The following TNPO1 variants were observed in gnomAD, a reference collection of about 807,000 sequenced individuals.
TNPO1 encodes the protein transportin-1.
In TNPO1, 8 loss-of-function variants were observed where a neutral mutation model predicts 119.5. The ratio of observed to expected loss-of-function variants is 0.07; its 90% CI spans 0.04 to 0.12. TNPO1 has a LOEUF of 0.12. TNPO1 is among the 10% of genes least tolerant of loss of function. The pLI is 1.00. For missense variants in TNPO1, 576 were observed against 1,089.8 expected, an observed-to-expected ratio of 0.53 and a Z score of 6.64; for synonymous variants, 362 against 363.0, an observed-to-expected ratio of 1.00 and a Z score of 0.03.
At chr5:72,891,340 C>T (rs1215154628) in intron 14 of TNPO1, among the ~76,000 whole-genome samples, 1 of 152,010 alleles carries the variant, frequency 6.6e-6, no homozygotes, top group African/African-American at 2.4e-5. Context: ...TGGGGGGTGC[C>T]TGTAGTCCCA....
Position 72,900,956 on chromosome 5 carries a change from A to G in TNPO1, c.2415-18A>G. ...TGCTTGTTACTTAAATGCTAAACTC[A>G]ATTCTGTAATTCAATAGGTGCACCT... is the stretch of plus-strand genomic sequence containing the variant. On this transcript the variant is annotated intron_variant, in intron 21 of 24. Coordinates refer to ENST00000337273, the MANE Select transcript of TNPO1 (RefSeq NM_002270.4). 6.3e-7 allele frequency: 1 copy of G among 1,578,094 alleles called. No homozygotes were observed. Among genetic ancestry groups the G allele is most frequent in the Non-Finnish European group, 8.7e-7 (1 of 1,155,348 alleles).
At chr5:72,904,886 A>C (rs1045911717) in intron 23 of TNPO1, among the ~76,000 whole-genome samples, 2 of 152,230 alleles carry the variant, frequency 1.3e-5, no homozygotes, top group African/African-American at 4.8e-5. Context: ...GTGGTTGGGG[A>C]GGCCTCACTG....
intron 3 of TNPO1, among the ~76,000 whole-genome samples, chr5:72,852,566 A>G (rs1745668204): frequency 1.3e-5 from 2 of 152,260 alleles, no homozygotes; most frequent in South Asian, 4.1e-4. Context: ...TTTAGAAGCC[A>G]TGGTGCAATT....
At chr5:72,871,905 A>T (rs1747433565) in intron 6 of TNPO1, 1 of 152,244 alleles carries the variant, frequency 6.6e-6, no homozygotes, top group African/African-American at 2.4e-5. Flanking sequence ...GATGATTTTT[A>T]AATTTAAGAG....
intron 6 of TNPO1, among the ~76,000 whole-genome samples, chr5:72,871,486 T>C (rs1747397966): frequency 6.6e-6 from 1 of 152,212 alleles, no homozygotes; most frequent in Admixed American, 6.5e-5. Flanking sequence ...TTCATGGGGT[T>C]ATATTTCAGA....
rs533178408 is a variant in TNPO1 at position 72,911,375 on chromosome 5, A to T, written c.*2702A>T. The T allele has an allele frequency of 3.3e-5, 5 of 152,642 alleles. No individual in the cohort carries two copies. The highest frequency in any genetic ancestry group is 1.2e-4 in the African/African-American group (5 of 41,570). 9.5% of individuals were successfully genotyped at this position (152,642 alleles called of 1,614,324 possible). A position where few individuals can be genotyped will look rare whatever the true frequency, so the allele number is the denominator to read the frequency against. ...TGAAAATAGAAAATAAAATTAGGTA[A>T]ATATGACTGGCAACCTGAATTTGAG... On this transcript the variant is annotated 3_prime_UTR_variant, in exon 25 of 25. Transcript: ENST00000337273.
chr5:72,822,475 C>A lies in TNPO1; in HGVS notation c.15+5723C>A, dbSNP rs144840409. On this transcript the variant is annotated intron_variant, in intron 1 of 24. Coordinates refer to ENST00000337273, the MANE Select transcript of TNPO1 (RefSeq NM_002270.4). The stretch of plus-strand genomic sequence containing the variant: ...GCAGTTTCCATTTCTTAGAGAAACA[C>A]GTGAGTATATCAGGAGTCATGTGTG... Among the ~76,000 whole-genome samples, 322 of 151,904 alleles carry A rather than the reference C, an allele frequency of 2.1e-3. 3 individuals are homozygous for A. The highest frequency in any genetic ancestry group is 7.4e-3 in the African/African-American group (308 of 41,406).
Position 72,888,158 on chromosome 5 carries a change from G to C in TNPO1, c.1384G>C (p.Val462Leu), listed in dbSNP as rs1272645504. 1.2e-6 allele frequency: 2 copies of C among 1,613,996 alleles called. No homozygotes were observed. Among genetic ancestry groups the C allele is most frequent in the Non-Finnish European group, 1.7e-6 (2 of 1,180,038 alleles). ...GTGCCTCTCTGATAAAAAGGCTCTTGTGCGTTCCATAACATGCTGGACTCT... is the reference window on the plus strand; with the variant it reads ...GTGCCTCTCTGATAAAAAGGCTCTTCTGCGTTCCATAACATGCTGGACTCT... ...IQCLSDKKALVRSITCWTLSR... is the reference protein window; with the variant it reads ...IQCLSDKKALLRSITCWTLSR... The change falls in exon 13 of 25, where the codon GTG becomes CTG. Residue 462 changes from valine to leucine, a missense_variant. Coordinates refer to ENST00000337273, the MANE Select transcript of TNPO1 (RefSeq NM_002270.4).
At chr5:72,901,635 G>A (rs1749801862) in intron 22 of TNPO1, among the ~76,000 whole-genome samples, 1 of 152,082 alleles carries the variant, frequency 6.6e-6, no homozygotes. Context: ...TTAAGCATCT[G>A]GATCCAACTG....
chr5:72,889,382 T>G lies in TNPO1; in HGVS notation c.1530-404T>G, dbSNP rs1450599122. The stretch of plus-strand genomic sequence containing the variant: ...AGGGATAGTAAATTTGAGTTTGACC[T>G]TAATCCATCTGAAGCAGTCATATCT... On this transcript the variant is annotated intron_variant, in intron 13 of 24. Coordinates refer to ENST00000337273, the MANE Select transcript of TNPO1 (RefSeq NM_002270.4). 3.3e-5 allele frequency among the ~76,000 whole-genome samples: 5 copies of G among 152,228 alleles called. No homozygotes were observed. The South Asian group carries it at 1.0e-3, about 32-fold the overall frequency.
At chr5:72,878,865 A>C in intron 9 of TNPO1, 1 of 466,258 alleles carries the variant, frequency 2.1e-6, no homozygotes, top group East Asian at 6.2e-5. Flanking sequence ...ACTTTTCGTT[A>C]GTTTAAATCC....
chr5:72,854,253 G>T (rs953411155), intron 3 of TNPO1, among the ~76,000 whole-genome samples: 2 of 152,164 alleles, frequency 1.3e-5, no homozygotes, highest in African/African-American at 4.8e-5. Flanking sequence ...ACGGAGTCTC[G>T]CAATGGGTTG....
Position 72,878,334 on chromosome 5 carries a change from A to G in TNPO1, c.920+988A>G, listed in dbSNP as rs540512308. Among the ~76,000 whole-genome samples the G allele has an allele frequency of 4.6e-5, 7 of 152,094 alleles. No homozygotes were observed. In the East Asian group the frequency reaches 9.7e-4, roughly 21 times the overall value. On this transcript the variant is annotated intron_variant, in intron 9 of 24. Coordinates refer to ENST00000337273, the MANE Select transcript of TNPO1 (RefSeq NM_002270.4). ...ATGAGCATTTTAATGTTTTTTCACA[A>G]TATTCCAAATAGTTCTCTAGGAAAT...
intron 1 of TNPO1, chr5:72,848,137 C>T (rs1279289501): frequency 1.7e-6 from 2 of 1,202,310 alleles, no homozygotes; most frequent in Admixed American, 4.4e-5. Context: ...GTCTGGTCGG[C>T]TCCTTGCGCT....
At chr5:72,851,145 G>T in intron 2 of TNPO1, 99 bp from the exon 3 acceptor site, 1 of 747,716 alleles carries the variant, frequency 1.3e-6, no homozygotes. Flanking sequence ...ACGCAGGACT[G>T]AAAATACCAC....
At chr5:72,827,791 G>A (rs1744270580) in intron 1 of TNPO1, among the ~76,000 whole-genome samples, 1 of 151,774 alleles carries the variant, frequency 6.6e-6, no homozygotes, top group African/African-American at 2.4e-5. Context: ...ATGGTGGCAT[G>A]TGCCTATAGT....
chr5:72,900,098 CTT>C lies in TNPO1; in HGVS notation c.2414+25_2414+26del. 6.3e-7 allele frequency: 1 copy of C among 1,578,750 alleles called. No individual in the cohort carries two copies. On this transcript the variant is annotated intron_variant, in intron 21 of 24. Coordinates refer to ENST00000337273, the MANE Select transcript of TNPO1 (RefSeq NM_002270.4). ...AAGACCCTGGTGTGTATTATTCAAT[CTT>C]TTTTTTTAATTCATTTTTCTTCACT...
At chr5:72,822,422 A>C (rs925898069) in intron 1 of TNPO1, among the ~76,000 whole-genome samples, 1 of 151,844 alleles carries the variant, frequency 6.6e-6, no homozygotes, top group African/African-American at 2.4e-5. Flanking sequence ...CGGTACGGCT[A>C]TTTTAAAGTA....
rs868551337 is a variant in TNPO1 at position 72,883,918 on chromosome 5, G to T, written c.1150+686G>T. On this transcript the variant is annotated intron_variant, in intron 11 of 24. Coordinates refer to ENST00000337273, the MANE Select transcript of TNPO1 (RefSeq NM_002270.4). The stretch of plus-strand genomic sequence containing the variant: ...CACCAATACACCTGGATGAATTTTT[G>T]TTTTTTTTTTTTTGGTAGAGACAGT... 3.1e-3 allele frequency among the ~76,000 whole-genome samples: 424 copies of T among 138,608 alleles called. 2 individuals are homozygous for T. Among genetic ancestry groups the T allele is most frequent in the African/African-American group, 8.2e-3 (311 of 37,888 alleles). The allele number at this position is 138,608 out of a possible 152,430, so 90.9% of individuals were successfully genotyped here.
Sources: gnomAD v4.1 joint callset for allele counts (sites outside exome capture counted in the v4.1 genomes callset) on GRCh38, gnomAD v4.1.1 for gene constraint, MANE v1.5 for transcripts, NCBI Gene and HGNC (gene_info 2026-07-23, HGNC 2026-07-21) for gene names.